The following PPP6R3 variants were observed in gnomAD, a reference collection of about 807,000 sequenced individuals.
The protein encoded by PPP6R3 is protein phosphatase 6 regulatory subunit 3.
A neutral mutation model predicts 110.7 loss-of-function variants in PPP6R3; 38 were observed. That is an observed-to-expected ratio of 0.34 (90% CI 0.26 to 0.45). The LOEUF is 0.45. PPP6R3 is among the 20% of genes least tolerant of loss of function. PPP6R3 has a pLI of 1.00. For missense variants in PPP6R3, 870 were observed against 1,062.4 expected, an observed-to-expected ratio of 0.82 and a Z score of 2.52; for synonymous variants, 369 against 373.5, an observed-to-expected ratio of 0.99 and a Z score of 0.14.
At chr11:68,461,943 T>C (rs578079099) in intron 1 of PPP6R3, among the ~76,000 whole-genome samples, 39 of 152,310 alleles carry the variant, frequency 2.6e-4, no homozygotes, top group African/African-American at 9.4e-4. Context: ...GACCCAGTTA[T>C]GGTGGTGGTT....
chr11:68,495,000 A>G (rs781286772), intron 1 of PPP6R3, among the ~76,000 whole-genome samples: 31 of 152,354 alleles, frequency 2.0e-4, no homozygotes, highest in Non-Finnish European at 3.7e-4. Flanking sequence ...ATGTTTAAGA[A>G]CTGCCTGGCA....
chr11:68,525,770 C>T (rs75659153), intron 2 of PPP6R3, among the ~76,000 whole-genome samples: 1,554 of 152,274 alleles, frequency 0.01, 10 homozygotes, highest in African/African-American at 0.012. Context: ...TCTCAGTGTG[C>T]TCCTGAATTT....
intron 8 of PPP6R3, among the ~76,000 whole-genome samples, chr11:68,563,324 C>T (rs1043822722): frequency 1.3e-5 from 2 of 152,172 alleles, no homozygotes; most frequent in Admixed American, 6.5e-5. Context: ...TCTAGTAGTT[C>T]TTGGCATTCC....
chr11:68,612,383 C>T (rs934192662), intron 23 of PPP6R3, among the ~76,000 whole-genome samples: 1 of 152,162 alleles, frequency 6.6e-6, no homozygotes, highest in Admixed American at 6.5e-5. Context: ...AGTTACGGCC[C>T]TAAGCACCCT....
At chr11:68,463,137 G>T (rs771059847) in intron 1 of PPP6R3, among the ~76,000 whole-genome samples, 67 of 152,238 alleles carry the variant, frequency 4.4e-4, no homozygotes, top group Non-Finnish European at 2.1e-4. Flanking sequence ...ACTTTGGGAG[G>T]CCGAGGCTGG....
intron 8 of PPP6R3, among the ~76,000 whole-genome samples, chr11:68,561,105 T>G (rs2099417709): frequency 1.3e-5 from 2 of 152,122 alleles, no homozygotes; most frequent in African/African-American, 2.4e-5. Context: ...TTCACCGTGG[T>G]CTCGATCTCC....
At chr11:68,493,616 CAT>C (rs71043436) in intron 1 of PPP6R3, among the ~76,000 whole-genome samples, 2,677 of 137,438 alleles carry the variant, frequency 0.019, 56 homozygotes, top group African/African-American at 0.052. Flanking sequence ...AAAACAAAAC[CAT>C]ATATATATAT....
At chr11:68,534,450 T>C (rs1232528403) in intron 2 of PPP6R3, among the ~76,000 whole-genome samples, 1 of 152,212 alleles carries the variant, frequency 6.6e-6, no homozygotes, top group Non-Finnish European at 1.5e-5. Flanking sequence ...CACCTTCTTA[T>C]TTCATCACAA....
At chr11:68,566,768 G>C (rs1028177732) in intron 9 of PPP6R3, among the ~76,000 whole-genome samples, 9 of 152,292 alleles carry the variant, frequency 5.9e-5, no homozygotes, top group Non-Finnish European at 7.4e-5. Flanking sequence ...GGAATGTTGA[G>C]GCAGGGAGAC....
At chr11:68,542,690 G>A (rs540988759) in intron 3 of PPP6R3, among the ~76,000 whole-genome samples, 39 of 152,222 alleles carry the variant, frequency 2.6e-4, no homozygotes, top group Non-Finnish European at 4.6e-4. Context: ...CACCGCGCTC[G>A]GCCTTGAGAA....
rs560093844 is a variant in PPP6R3, at chr11:68,467,345, G to T, written c.-158+6518G>T. ...GACTTGAAGTGATTTGAATTCCCCA[G>T]AGATTGACTACCGTGAAATCTGATG... On this transcript the variant is annotated intron_variant, in intron 1 of 23. Coordinates refer to ENST00000393800, the MANE Select transcript of PPP6R3 (RefSeq NM_001164161.2). Among the ~76,000 whole-genome samples the T allele has an allele frequency of 2.6e-5, 4 of 152,332 alleles. No homozygotes were observed. In the South Asian group the frequency reaches 8.3e-4, roughly 32 times the overall value.
chr11:68,532,805 A>C (rs1256983506), intron 2 of PPP6R3, among the ~76,000 whole-genome samples: 1 of 152,222 alleles, frequency 6.6e-6, no homozygotes, highest in East Asian at 1.9e-4. Context: ...ATTTCAGTAC[A>C]CAGTAACATG....
chr11:68,559,448 C>T lies in PPP6R3; in HGVS notation c.845+769C>T, dbSNP rs180851291. The stretch of plus-strand genomic sequence containing the variant: ...AGAGGTTGGAATTTTGTATTTTTTA[C>T]CCCAAAATTCATTCATTAAGCAAGG... On this transcript the variant is annotated intron_variant, in intron 8 of 23. Transcript: ENST00000393800. Among the ~76,000 whole-genome samples, 7 of 152,264 alleles carry T rather than the reference C, an allele frequency of 4.6e-5. No individual in the cohort carries two copies. In the East Asian group the frequency reaches 1.3e-3, roughly 29 times the overall value.
At chr11:68,534,115 C>T (rs1352678756) in intron 2 of PPP6R3, among the ~76,000 whole-genome samples, 1 of 152,190 alleles carries the variant, frequency 6.6e-6, no homozygotes, top group Non-Finnish European at 1.5e-5. Context: ...CATGTGGCCA[C>T]ACCTACACGG....
rs569721273 is a variant in PPP6R3, at chr11:68,496,316, C to T, written c.-157-23185C>T. 2.0e-5 allele frequency among the ~76,000 whole-genome samples: 3 copies of T among 152,104 alleles called. No individual in the cohort carries two copies. In the South Asian group the frequency reaches 6.2e-4, roughly 31 times the overall value. Reference sequence around the variant, plus strand: ...TGTTGGGATTACAGGTGTGAGCCACCATGCCCAGCCTTTCCCATCCCTTCC... The same window carrying T: ...TGTTGGGATTACAGGTGTGAGCCACTATGCCCAGCCTTTCCCATCCCTTCC... On this transcript the variant is annotated intron_variant, in intron 1 of 23. Coordinates refer to ENST00000393800, the MANE Select transcript of PPP6R3 (RefSeq NM_001164161.2).
chr11:68,550,938 A>T, intron 5 of PPP6R3, 183 bp from the exon 6 acceptor site: 1 of 540,864 alleles, frequency 1.8e-6, no homozygotes, highest in Non-Finnish European at 3.2e-6. Flanking sequence ...GGCCATTGTT[A>T]AAACAATATA....
At chr11:68,529,362 G>A (rs1412196654) in intron 2 of PPP6R3, among the ~76,000 whole-genome samples, 1 of 152,124 alleles carries the variant, frequency 6.6e-6, no homozygotes, top group African/African-American at 2.4e-5. Flanking sequence ...GGGATTACAG[G>A]CGACTGCCAT....
intron 1 of PPP6R3, among the ~76,000 whole-genome samples, chr11:68,511,876 T>C (rs1357489451): frequency 6.6e-6 from 1 of 152,140 alleles, no homozygotes; most frequent in Non-Finnish European, 1.5e-5. Flanking sequence ...TCTTCCCTCA[T>C]CTTTATCCTT....
intron 1 of PPP6R3, among the ~76,000 whole-genome samples, chr11:68,504,911 T>A (rs1442810571): frequency 6.6e-6 from 1 of 152,206 alleles, no homozygotes; most frequent in East Asian, 1.9e-4. Flanking sequence ...ATCAGCCTCC[T>A]AGCAGAGCAC....
Sources: allele counts gnomAD v4.1 joint callset (sites outside exome capture counted in the v4.1 genomes callset), GRCh38; gene constraint gnomAD v4.1.1; transcripts MANE v1.5; gene names NCBI Gene and HGNC (gene_info 2026-07-23, HGNC 2026-07-21).